The following PDCD4 variants were observed in gnomAD, a reference collection of about 807,000 sequenced individuals.
PDCD4 encodes the protein programmed cell death protein 4.
Under a neutral mutation model 54.0 loss-of-function variants are expected in PDCD4, and 56 were observed. The ratio of observed to expected loss-of-function variants is 1.04; its 90% CI spans 0.84 to 1.30. PDCD4 has a LOEUF of 1.30. Ranked by LOEUF, PDCD4 falls within the 50% of genes most tolerant of loss-of-function variation. The pLI is 0.00. For missense variants in PDCD4, 584 were observed against 559.8 expected (o/e 1.04, Z -0.44); for synonymous variants, 186 against 194.8 (o/e 0.95, Z 0.37).
intron 8 of PDCD4, chr10:110,891,018 T>A (rs1256309430): frequency 5.8e-6 from 1 of 173,084 alleles, no homozygotes; most frequent in Non-Finnish European, 1.2e-5. Context: ...TACGCTTTTA[T>A]ATGAGCAATT....
chr10:110,890,520 C>T lies in PDCD4; in HGVS notation c.876-36C>T, dbSNP rs753431328. ...TAATTTAGTAAACTTTAGGTATGTC[C>T]AGCTATCAAACTTAAATTTTTTTCT... On this transcript the variant is annotated intron_variant, in intron 7 of 11. Coordinates refer to ENST00000280154, the MANE Select transcript of PDCD4 (RefSeq NM_014456.5). The T allele has an allele frequency of 1.2e-5, 15 of 1,259,752 alleles. No individual in the cohort carries two copies. The South Asian group carries it at 1.7e-4, about 15-fold the overall frequency. The allele number at this position is 1,259,752 out of a possible 1,614,324, so 78.0% of individuals were successfully genotyped here. A position where few individuals can be genotyped will look rare whatever the true frequency, so the allele number is the denominator to read the frequency against.
chr10:110,877,181 C>G (rs555795052), intron 2 of PDCD4, among the ~76,000 whole-genome samples: 1 of 152,100 alleles, frequency 6.6e-6, no homozygotes. Flanking sequence ...ATAATATGTA[C>G]CTACTTAATT....
At chr10:110,884,507 T>G (rs912880612) in intron 4 of PDCD4, among the ~76,000 whole-genome samples, 2 of 152,184 alleles carry the variant, frequency 1.3e-5, no homozygotes, top group African/African-American at 4.8e-5. Flanking sequence ...TGTGTTATAC[T>G]TTTTATTATA....
chr10:110,892,526 A>G (rs1445836607), intron 8 of PDCD4, among the ~76,000 whole-genome samples: 1 of 152,196 alleles, frequency 6.6e-6, no homozygotes, highest in African/African-American at 2.4e-5. Flanking sequence ...TATTTTTAAT[A>G]CTTCTAAAGT....
Position 110,899,845 on chromosome 10 carries a change from G to T in PDCD4, c.*1757G>T, listed in dbSNP as rs1845941840. 1 of 151,958 alleles carries T rather than the reference G, an allele frequency of 6.6e-6. No individual in the cohort carries two copies. The highest frequency in any genetic ancestry group is 1.5e-5 in the Non-Finnish European group (1 of 68,066). The allele number at this position is 151,958 out of a possible 1,614,324, so 9.4% of individuals were successfully genotyped here. ...AAGACAGTTTTGTCATTACTGGTGG[G>T]ATCTGGTCACACAAGATAGCATTAA... On this transcript the variant is annotated 3_prime_UTR_variant, in exon 12 of 12. Transcript: ENST00000280154.
At chr10:110,872,073 A>T (rs1340367887) in intron 1 of PDCD4, 55 bp downstream of exon 1, 1 of 152,298 alleles carries the variant, frequency 6.6e-6, no homozygotes, top group Non-Finnish European at 1.5e-5. Flanking sequence ...CCTCTCCCCC[A>T]TCCCTCCTCG....
At chr10:110,883,437 G>C (rs1845621843) in intron 4 of PDCD4, among the ~76,000 whole-genome samples, 1 of 152,016 alleles carries the variant, frequency 6.6e-6, no homozygotes, top group East Asian at 1.9e-4. Flanking sequence ...GTTTAGAATG[G>C]TAACTATATA....
In PDCD4 at chr10:110,897,930, A is replaced by C. The variant is rs1845868954; in HGVS notation, c.1350-98A>C. 4 of 732,480 alleles carry C rather than the reference A, an allele frequency of 5.5e-6. No homozygotes were observed. In the Admixed American group the frequency reaches 1.2e-4, roughly 21 times the overall value. 45.4% of individuals were successfully genotyped at this position (732,480 alleles called of 1,614,324 possible). A position where few individuals can be genotyped will look rare whatever the true frequency, so the allele number is the denominator to read the frequency against. The stretch of plus-strand genomic sequence containing the variant: ...TTAATGGAAAACCCTTTAAAAGCTA[A>C]CACGTAACGAAAAAATACCAAGTTT... On this transcript the variant is annotated intron_variant, in intron 11 of 11. Coordinates refer to ENST00000280154, the MANE Select transcript of PDCD4 (RefSeq NM_014456.5).
intron 3 of PDCD4, among the ~76,000 whole-genome samples, chr10:110,882,113 G>C (rs1333986191): frequency 6.6e-6 from 1 of 152,106 alleles, no homozygotes; most frequent in Non-Finnish European, 1.5e-5. Context: ...CCTTCTGAAT[G>C]GTGGGAACTT....
rs745534774 is a variant in PDCD4 at position 110,887,779 on chromosome 10, T to G, written c.670T>G (p.Ser224Ala). The stretch of plus-strand genomic sequence containing the variant: ...TAGAGAGATGACATCTAAGCTTCTT[T>G]CTGACCTTTGTGGGACAGTAATGAG... ...SHREMTSKLL[S>A]DLCGTVMSTT... Residue 224 changes from serine (S) to alanine (A), a missense_variant, in exon 6 of 12, where the codon TCT becomes GCT. Coordinates refer to ENST00000280154, the MANE Select transcript of PDCD4 (RefSeq NM_014456.5). 1.2e-6 allele frequency: 2 copies of G among 1,613,700 alleles called. No homozygotes were observed. Among genetic ancestry groups the G allele is most frequent in the Non-Finnish European group, 1.7e-6 (2 of 1,179,626 alleles).
intron 11 of PDCD4, among the ~76,000 whole-genome samples, chr10:110,897,518 G>A (rs181543018): frequency 5.0e-4 from 76 of 152,298 alleles, no homozygotes; most frequent in African/African-American, 1.5e-3. Context: ...GACAAAGCAC[G>A]AATCCCAAAA....
Position 110,890,676 on chromosome 10 carries a change from G to A in PDCD4, c.990+6G>A. The A allele has an allele frequency of 6.5e-7, 1 of 1,534,294 alleles. No homozygotes were observed. On this transcript the variant is annotated splice_donor_region_variant and intron_variant, in intron 8 of 11. Transcript: ENST00000280154. ...TCAATCACCTTGTTAAAGAGGTAAT[G>A]ATTGGGTATTGTTTTTAACTTAATT...
intron 8 of PDCD4, 87 bp downstream of exon 8, chr10:110,890,757 A>G: frequency 1.4e-6 from 1 of 715,364 alleles, no homozygotes; most frequent in Non-Finnish European, 2.2e-6. Context: ...ATTTTTATGG[A>G]CAAAAATTAA....
rs750018222 is a variant in PDCD4 at position 110,898,163 on chromosome 10, T to C, written c.*75T>C. The C allele has an allele frequency of 1.9e-5, 15 of 806,594 alleles. No individual in the cohort carries two copies. Among genetic ancestry groups the C allele is most frequent in the Non-Finnish European group, 2.5e-5 (14 of 554,526 alleles). 50.0% of individuals were successfully genotyped at this position (806,594 alleles called of 1,614,324 possible). A position where few individuals can be genotyped will look rare whatever the true frequency, so the allele number is the denominator to read the frequency against. ...TGTAAGAGTTGTTAGCACAAGTTTT[T>C]TTTTTTTTTTTTTTTAAGCACTTGT... On this transcript the variant is annotated 3_prime_UTR_variant, in exon 12 of 12. Coordinates refer to ENST00000280154, the MANE Select transcript of PDCD4 (RefSeq NM_014456.5).
chr10:110,872,349 C>G (rs1000919483), intron 1 of PDCD4: 3 of 152,306 alleles, frequency 2.0e-5, no homozygotes, highest in Non-Finnish European at 4.4e-5. Context: ...TTGAAGGTCC[C>G]CCTCAGCCCT....
chr10:110,890,012 T>C (rs1845731640), intron 7 of PDCD4, among the ~76,000 whole-genome samples: 1 of 152,238 alleles, frequency 6.6e-6, no homozygotes, highest in South Asian at 2.1e-4. Context: ...TTTATAGTTT[T>C]ATTTTGTATT....
At position 110,894,172 on chromosome 10, in the gene PDCD4, C is replaced by T; in HGVS notation, c.1072C>T (p.His358Tyr). 2 of 1,592,890 alleles carry T rather than the reference C, an allele frequency of 1.3e-6. No homozygotes were observed. The highest frequency in any genetic ancestry group is 1.7e-6 in the Non-Finnish European group (2 of 1,161,032). ...TTGCCTTAAGGAACTGGAAGTACCT[C>T]ATTTTCACCATGAGCTTGTATATGA... ...EHCLKELEVP[H>Y]FHHELVYEAI... The change falls in exon 9 of 12, where the codon CAT becomes TAT. Residue 358 changes from histidine (H) to tyrosine (Y), a missense_variant. Transcript: ENST00000280154.
chr10:110,888,840 T>TA (rs1845709974), intron 6 of PDCD4, among the ~76,000 whole-genome samples: 1 of 152,058 alleles, frequency 6.6e-6, no homozygotes, highest in African/African-American at 2.4e-5. Context: ...GCTGTGAACA[T>TA]ACTTTCAACT....
chr10:110,898,965 C>T lies in PDCD4; in HGVS notation c.*877C>T, dbSNP rs1304112024. 6.6e-6 allele frequency: 1 copy of T among 151,592 alleles called. No homozygotes were observed. Among genetic ancestry groups the T allele is most frequent in the African/African-American group, 2.4e-5 (1 of 41,168 alleles). 9.4% of individuals were successfully genotyped at this position (151,592 alleles called of 1,614,324 possible). A position where few individuals can be genotyped will look rare whatever the true frequency, so the allele number is the denominator to read the frequency against. On this transcript the variant is annotated 3_prime_UTR_variant, in exon 12 of 12. Coordinates refer to ENST00000280154, the MANE Select transcript of PDCD4 (RefSeq NM_014456.5). ...ATCACTTTACTCCATTGTTATCTGA[C>T]CTAGAGCTTAATTAAGTTTTAGAAA...
Sources: gnomAD v4.1 joint callset for allele counts (sites outside exome capture counted in the v4.1 genomes callset) on GRCh38, gnomAD v4.1.1 for gene constraint, MANE v1.5 for transcripts, NCBI Gene and HGNC (gene_info 2026-07-23, HGNC 2026-07-21) for gene names.